Variants in MSI2 observed in about 807,000 individuals in gnomAD.
MSI2 encodes the protein RNA-binding protein Musashi homolog 2.
A neutral mutation model predicts 45.6 loss-of-function variants in MSI2; 17 were observed. The observed-to-expected ratio is 0.37, with a 90% CI of 0.26 to 0.56. MSI2 has a LOEUF of 0.56. Ranked by LOEUF, MSI2 falls within the 20% of genes least tolerant of loss-of-function variation. The pLI is 0.77. For missense variants in MSI2, 293 were observed against 444.2 expected, an observed-to-expected ratio of 0.66 and a Z score of 3.06; for synonymous variants, 156 against 158.2, an observed-to-expected ratio of 0.99 and a Z score of 0.11.
intron 5 of MSI2, chr17:57,263,870 G>A (rs193277066): frequency 9.8e-5 from 15 of 152,296 alleles, no homozygotes; most frequent in Admixed American, 2.6e-4. Flanking sequence ...ACCACTTGGG[G>A]GAGAACATCT....
chr17:57,571,767 C>T (rs1320437045), intron 7 of MSI2, among the ~76,000 whole-genome samples: 34 of 152,170 alleles, frequency 2.2e-4, no homozygotes, highest in Admixed American at 2.2e-3. Context: ...CCAGACACTC[C>T]TCTGTTCTTT....
At chr17:57,617,880 G>A (rs111365519) in intron 9 of MSI2, among the ~76,000 whole-genome samples, 2,319 of 152,180 alleles carry the variant, frequency 0.015, 56 homozygotes, top group African/African-American at 0.053. Context: ...AGACCAGTGC[G>A]GGCAACATGG....
At chr17:57,442,709 G>A (rs2084822795) in intron 6 of MSI2, among the ~76,000 whole-genome samples, 1 of 152,212 alleles carries the variant, frequency 6.6e-6, no homozygotes, top group African/African-American at 2.4e-5. Context: ...GAGAACAGAG[G>A]GGTGGGAGCG....
chr17:57,524,305 G>T (rs943373328), intron 6 of MSI2, among the ~76,000 whole-genome samples: 1 of 152,232 alleles, frequency 6.6e-6, no homozygotes, highest in Non-Finnish European at 1.5e-5. Flanking sequence ...CCACCTCTTT[G>T]GGGGAGAAGG....
At chr17:57,262,234 T>C (rs1332827205) in intron 5 of MSI2, 42 bp downstream of exon 5, 1 of 1,604,244 alleles carries the variant, frequency 6.2e-7, no homozygotes, top group Non-Finnish European at 8.5e-7. Flanking sequence ...CACTCAGAGA[T>C]GATTGCCAAG....
intron 6 of MSI2, among the ~76,000 whole-genome samples, chr17:57,429,136 A>G (rs1464008383): frequency 6.6e-6 from 1 of 151,876 alleles, no homozygotes; most frequent in Non-Finnish European, 1.5e-5. Flanking sequence ...CCTCAGTCTA[A>G]CCCCTGCAGA....
chr17:57,532,112 G>T, intron 7 of MSI2: 1 of 152,452 alleles, frequency 6.6e-6, no homozygotes, highest in Non-Finnish European at 1.5e-5. Context: ...CTTGGTGCAT[G>T]CACACTCCTG....
chr17:57,367,443 G>T (rs1917275402), intron 5 of MSI2, among the ~76,000 whole-genome samples: 1 of 152,154 alleles, frequency 6.6e-6, no homozygotes, highest in Admixed American at 6.5e-5. Flanking sequence ...GTTAATATAC[G>T]GTTGGTCCTT....
At chr17:57,420,576 G>A (rs962448250) in intron 6 of MSI2, among the ~76,000 whole-genome samples, 1 of 152,202 alleles carries the variant, frequency 6.6e-6, no homozygotes. Context: ...TTCCCAGCCT[G>A]AATTAGATTC....
At chr17:57,274,802 A>T (rs1335619421) in intron 5 of MSI2, among the ~76,000 whole-genome samples, 3 of 152,136 alleles carry the variant, frequency 2.0e-5, no homozygotes, top group African/African-American at 4.8e-5. Context: ...ACTCAGAGGG[A>T]CCTAGTTTGA....
At chr17:57,391,198 C>T (rs1326795553) in intron 5 of MSI2, among the ~76,000 whole-genome samples, 1 of 152,138 alleles carries the variant, frequency 6.6e-6, no homozygotes, top group African/African-American at 2.4e-5. Context: ...CATTTCTCAG[C>T]GTGGGAATAG....
intron 5 of MSI2, among the ~76,000 whole-genome samples, chr17:57,291,398 C>T (rs1910405222): frequency 6.6e-6 from 1 of 152,090 alleles, no homozygotes; most frequent in Non-Finnish European, 1.5e-5. Flanking sequence ...CCAATAATAC[C>T]GAGCAATAAA....
chr17:57,560,046 T>C (rs147948729), intron 7 of MSI2, among the ~76,000 whole-genome samples: 82 of 152,380 alleles, frequency 5.4e-4, no homozygotes, highest in African/African-American at 1.7e-3. Flanking sequence ...TATTATACCA[T>C]GTTAACAGCT....
chr17:57,525,973 T>C (rs2086687739), intron 6 of MSI2, among the ~76,000 whole-genome samples: 1 of 152,134 alleles, frequency 6.6e-6, no homozygotes. Context: ...ACACCTGTAA[T>C]CCCAGCACTT....
intron 5 of MSI2, among the ~76,000 whole-genome samples, chr17:57,363,795 C>A (rs1331759080): frequency 6.8e-6 from 1 of 146,468 alleles, no homozygotes; most frequent in East Asian, 1.9e-4. Context: ...CAACAACAAA[C>A]AACAACAACA....
chr17:57,444,843 C>G (rs1414135779), intron 6 of MSI2: 1 of 152,214 alleles, frequency 6.6e-6, no homozygotes, highest in African/African-American at 2.4e-5. Flanking sequence ...TATAATTAAG[C>G]CTCTCTGCCT....
intron 5 of MSI2, among the ~76,000 whole-genome samples, chr17:57,356,278 C>G (rs929012767): frequency 1.3e-5 from 2 of 152,158 alleles, no homozygotes; most frequent in East Asian, 3.8e-4. Context: ...CTTTGCATAA[C>G]TTCTTTTTTG....
At position 57,627,489 on chromosome 17, in the gene MSI2, C is replaced by G; in HGVS notation, c.727+186C>G. ...TGCAGCTCAGAGTTTTTGATTAACT[C>G]AGGTATAACTCACTGGTGCCGGGTA... On this transcript the variant is annotated intron_variant, in intron 10 of 13. Coordinates refer to ENST00000284073, the MANE Select transcript of MSI2 (RefSeq NM_138962.4). This position sits in a 1 kb window ranked among gnomAD's most constrained non-coding sequence, Gnocchi z 4.6. 1.6e-6 allele frequency: 1 copy of G among 622,940 alleles called. No homozygotes were observed. Among genetic ancestry groups the G allele is most frequent in the Non-Finnish European group, 2.9e-6 (1 of 347,134 alleles). 38.6% of individuals were successfully genotyped at this position (622,940 alleles called of 1,614,324 possible).
intron 5 of MSI2, among the ~76,000 whole-genome samples, chr17:57,370,587 C>T (rs189390508): frequency 5.9e-5 from 9 of 152,288 alleles, no homozygotes; most frequent in African/African-American, 2.2e-4. Flanking sequence ...CAATGATGGC[C>T]AGTTGACCAC....
Sources: gnomAD v4.1 joint callset for allele counts (sites outside exome capture counted in the v4.1 genomes callset) on GRCh38, gnomAD v4.1.1 for gene constraint, Gnocchi (gnomAD v3.1) non-coding constraint, MANE v1.5 for transcripts, NCBI Gene and HGNC (gene_info 2026-07-23, HGNC 2026-07-21) for gene names.